KIF6: variants seen among roughly 807,000 people sequenced by gnomAD.
KIF6 encodes kinesin-like protein KIF6.
Under a neutral mutation model 112.7 loss-of-function variants are expected in KIF6, and 106 were observed. The ratio of observed to expected loss-of-function variants is 0.94; its 90% CI spans 0.80 to 1.11. The LOEUF (loss-of-function observed/expected upper bound fraction) is 1.11, where lower values mean the gene tolerates loss of function less well. Among genes scored for constraint, KIF6 ranks in the 50% least tolerant of loss-of-function variants. The pLI is 0.00. For missense variants in KIF6, 929 were observed against 964.0 expected (o/e 0.96, Z 0.48); for synonymous variants, 339 against 339.9 (o/e 1.00, Z 0.03).
At chr6:39,408,747 G>A (rs1363164384) in intron 15 of KIF6, among the ~76,000 whole-genome samples, 1 of 152,150 alleles carries the variant, frequency 6.6e-6, no homozygotes, top group African/African-American at 2.4e-5. Flanking sequence ...GGTAGTAGGT[G>A]AGAGAAAATG....
chr6:39,626,525 C>G (rs1784104007), intron 5 of KIF6, among the ~76,000 whole-genome samples: 1 of 152,156 alleles, frequency 6.6e-6, no homozygotes, highest in Non-Finnish European at 1.5e-5. Flanking sequence ...GGTAACAGCA[C>G]ACAATCTCTG....
Position 39,380,528 on chromosome 6 carries a change from CA to C in KIF6, c.1861+5093del, listed in dbSNP as rs1766838890. On this transcript the variant is annotated intron_variant, in intron 16 of 22. Transcript: ENST00000287152. ...AGGAATCCTTATAAAAGCACATGCA[CA>C]GTCACGCGTGTGTGCACATGCACGC... 3.9e-5 allele frequency among the ~76,000 whole-genome samples: 6 copies of C among 152,138 alleles called. No individual in the cohort carries two copies. In the South Asian group the frequency reaches 1.2e-3, roughly 32 times the overall value.
intron 6 of KIF6, among the ~76,000 whole-genome samples, chr6:39,601,465 C>T (rs1782566694): frequency 6.6e-6 from 1 of 152,074 alleles, no homozygotes; most frequent in African/African-American, 2.4e-5. Flanking sequence ...GACTAAATAT[C>T]TCTCTTCCTC....
chr6:39,520,249 G>A (rs988701852), intron 13 of KIF6, among the ~76,000 whole-genome samples: 2 of 152,114 alleles, frequency 1.3e-5, no homozygotes, highest in Non-Finnish European at 2.9e-5. Context: ...GATAATCAAT[G>A]AATAATTTTT....
At chr6:39,411,468 A>AC (rs2150353194) in intron 15 of KIF6, among the ~76,000 whole-genome samples, 1 of 152,300 alleles carries the variant, frequency 6.6e-6, no homozygotes, top group South Asian at 2.1e-4. Context: ...TGTTTCTGTG[A>AC]CCCCAAATCC....
chr6:39,486,335 AC>A (rs1775113129), intron 13 of KIF6, among the ~76,000 whole-genome samples: 1 of 152,258 alleles, frequency 6.6e-6, no homozygotes, highest in African/African-American at 2.4e-5. Flanking sequence ...GACAGAGGGA[AC>A]CTGCAGGGCC....
chr6:39,639,439 C>T (rs935051007), intron 4 of KIF6, among the ~76,000 whole-genome samples, 171 bp downstream of exon 4: 4 of 152,084 alleles, frequency 2.6e-5, no homozygotes, highest in African/African-American at 9.7e-5. Context: ...TTAATTTTCA[C>T]TTGTACAGCA....
At chr6:39,627,148 A>T (rs1784133432) in intron 5 of KIF6, among the ~76,000 whole-genome samples, 1 of 152,114 alleles carries the variant, frequency 6.6e-6, no homozygotes, top group Non-Finnish European at 1.5e-5. Flanking sequence ...AAACAGGTCT[A>T]CTAACTGTCA....
intron 13 of KIF6, among the ~76,000 whole-genome samples, chr6:39,448,251 T>C (rs1772454507): frequency 6.6e-6 from 1 of 152,184 alleles, no homozygotes; most frequent in African/African-American, 2.4e-5. Flanking sequence ...CTTGGCTCAC[T>C]GCAACCTCCT....
In KIF6 at chr6:39,596,218, T is replaced by G. The variant is rs767602455; in HGVS notation, c.682A>C (p.Thr228Pro). ...GGTTCCTTGCTTGACAAATGAATGG[T>G]GAAAATGCAGTGGGAACGGGTTGAA... ...QASTRSHCIF[T>P]IHLSSKEPGS... Residue 228 changes from threonine (T) to proline (P), a missense_variant, in exon 7 of 23, where the codon ACC becomes CCC. Transcript: ENST00000287152. 6.2e-7 allele frequency: 1 copy of G among 1,613,732 alleles called. No individual in the cohort carries two copies. Among genetic ancestry groups the G allele is most frequent in the South Asian group, 1.1e-5 (1 of 91,088 alleles).
intron 3 of KIF6, among the ~76,000 whole-genome samples, chr6:39,671,598 A>G (rs1786820502): frequency 6.6e-6 from 1 of 152,006 alleles, no homozygotes; most frequent in African/African-American, 2.4e-5. Context: ...ACTCCCCACT[A>G]TTGTGCTTCT....
chr6:39,424,389 C>T (rs1185569844), intron 14 of KIF6, among the ~76,000 whole-genome samples: 1 of 152,214 alleles, frequency 6.6e-6, no homozygotes, highest in Non-Finnish European at 1.5e-5. Context: ...TTGTTTGTTT[C>T]CCTTTCAATA....
chr6:39,337,167 CCT>C (rs1562102426), intron 22 of KIF6, among the ~76,000 whole-genome samples: 1 of 64,180 alleles, frequency 1.6e-5, no homozygotes, highest in Admixed American at 1.4e-4. Flanking sequence ...TTCTTTCTTT[CCT>C]TCCTTCTTTC....
chr6:39,521,317 T>A (rs1339294560), intron 13 of KIF6, among the ~76,000 whole-genome samples: 1 of 152,306 alleles, frequency 6.6e-6, no homozygotes, highest in East Asian at 1.9e-4. Flanking sequence ...TGCTTTAGTG[T>A]CTGTATGTTA....
At position 39,334,939 on chromosome 6, in the gene KIF6, C is replaced by G. The variant is rs923822460; in HGVS notation, c.*1593G>C. 6.6e-6 allele frequency: 1 copy of G among 152,142 alleles called. No individual in the cohort carries two copies. The highest frequency in any genetic ancestry group is 1.5e-5 in the Non-Finnish European group (1 of 68,060). The allele number at this position is 152,142 out of a possible 1,614,324, so 9.4% of individuals were successfully genotyped here. A position where few individuals can be genotyped will look rare whatever the true frequency, so the allele number is the denominator to read the frequency against. On this transcript the variant is annotated 3_prime_UTR_variant, in exon 23 of 23. Coordinates refer to ENST00000287152, the MANE Select transcript of KIF6 (RefSeq NM_145027.6). ...CCAGGAGTGGACCAGAGATGCTGGC[C>G]CCTGTCCCGATGGGATTCAGTCAGA...
intron 3 of KIF6, among the ~76,000 whole-genome samples, chr6:39,640,877 G>C (rs911903413): frequency 6.6e-6 from 1 of 152,148 alleles, no homozygotes; most frequent in African/African-American, 2.4e-5. Context: ...ATCTGTTGCT[G>C]TGTAGGTAGA....
intron 13 of KIF6, among the ~76,000 whole-genome samples, chr6:39,446,188 C>CTCCA (rs1365179927): frequency 6.6e-6 from 1 of 152,192 alleles, no homozygotes; most frequent in African/African-American, 2.4e-5. Flanking sequence ...AAGTTTCAGG[C>CTCCA]TCCACATCTA....
intron 13 of KIF6, among the ~76,000 whole-genome samples, chr6:39,490,588 C>T (rs918392322): frequency 2.6e-5 from 4 of 152,156 alleles, no homozygotes. Flanking sequence ...CTAGTTCTGG[C>T]AAAAGGCTGC....
intron 3 of KIF6, among the ~76,000 whole-genome samples, chr6:39,662,568 A>G (rs1258177967): frequency 1.3e-5 from 2 of 152,220 alleles, no homozygotes; most frequent in Non-Finnish European, 2.9e-5. Flanking sequence ...GTTTGAACAC[A>G]CAGCTTTTAT....
Sources: allele counts gnomAD v4.1 joint callset (sites outside exome capture counted in the v4.1 genomes callset), GRCh38; gene constraint gnomAD v4.1.1; transcripts MANE v1.5; gene names NCBI Gene and HGNC (gene_info 2026-07-23, HGNC 2026-07-21).